Variants in MS4A15 observed in about 807,000 individuals in gnomAD.
The protein encoded by MS4A15 is membrane-spanning 4-domains subfamily A member 15.
In MS4A15, 22 loss-of-function variants were observed where a neutral mutation model predicts 20.6. The ratio of observed to expected loss-of-function variants is 1.07; its 90% CI spans 0.76 to 1.52. The LOEUF (loss-of-function observed/expected upper bound fraction) is 1.52, where lower values mean the gene tolerates loss of function less well. Among genes scored for constraint, MS4A15 ranks in the 40% most tolerant of loss-of-function variants. The probability of loss-of-function intolerance (pLI) is 0.00; values close to 1 mark genes in which losing one functional copy is unlikely to be tolerated. For synonymous variants in MS4A15, 129 were observed against 129.3 expected (o/e 1.00, Z 0.02); for missense variants, 312 against 323.0 (o/e 0.97, Z 0.26).
chr11:60,765,626 G>T (rs1040240727), intron 2 of MS4A15, among the ~76,000 whole-genome samples: 7 of 152,156 alleles, frequency 4.6e-5, no homozygotes, highest in African/African-American at 1.7e-4. Context: ...CTGATAAATG[G>T]CATCCTGTAA....
intron 3 of MS4A15, among the ~76,000 whole-genome samples, chr11:60,770,585 A>G (rs1854009626): frequency 6.6e-6 from 1 of 150,660 alleles, no homozygotes; most frequent in South Asian, 2.1e-4. Context: ...GTGACAGAGC[A>G]AGACTCCATC....
At chr11:60,770,245 C>T (rs912637471) in intron 3 of MS4A15, among the ~76,000 whole-genome samples, 2 of 152,198 alleles carry the variant, frequency 1.3e-5, no homozygotes, top group African/African-American at 4.8e-5. Context: ...CATCACAGCT[C>T]TTAGCACCAC....
rs1197231096 is a variant in MS4A15, at chr11:60,775,651, C to G, written c.659C>G (p.Pro220Arg). 1 of 1,614,022 alleles carries G rather than the reference C, an allele frequency of 6.2e-7. No individual in the cohort carries two copies. Among genetic ancestry groups the G allele is most frequent in the Non-Finnish European group, 8.5e-7 (1 of 1,179,930 alleles). Reference protein sequence around the residue: ...PNAFSADFNIPSPAASAPPAY... With the variant: ...PNAFSADFNIRSPAASAPPAY... ...GCCTTCAGCGCAGACTTCAACATCC[C>G]CAGCCCGGCAGCCTCTGCGCCCCCT... The change falls in exon 7 of 7, where the codon CCC (proline) becomes CGC (arginine). Residue 220 changes from proline (P) to arginine (R), a missense_variant. By Grantham distance (103) the Pro-to-Arg change is moderately radical (BLOSUM62 -2). Transcript: ENST00000405633.
At position 60,763,749 on chromosome 11, in the gene MS4A15, G is replaced by A. The variant is rs377151278; in HGVS notation, c.16G>A (p.Ala6Thr). MSAAP[A>T]SNGVFVVIPP... ...TCTGAGCACGATGTCTGCAGCTCCC[G>A]CCAGCAATGGAGTGTTTGTTGTCAT... is the stretch of plus-strand genomic sequence containing the variant. Residue 6 changes from alanine (A) to threonine (T), a missense_variant, in exon 2 of 7, where the codon GCC (alanine) becomes ACC (threonine). By Grantham distance (58) the Ala-to-Thr change is moderately conservative. Coordinates refer to ENST00000405633, the MANE Select transcript of MS4A15 (RefSeq NM_001098835.2). 1.1e-5 allele frequency: 17 copies of A among 1,611,950 alleles called. No individual in the cohort carries two copies. The highest frequency in any genetic ancestry group is 6.7e-5 in the African/African-American group (5 of 74,846).
intron 1 of MS4A15, among the ~76,000 whole-genome samples, chr11:60,759,131 A>C (rs951912480): frequency 2.0e-5 from 3 of 152,270 alleles, no homozygotes; most frequent in Non-Finnish European, 4.4e-5. Context: ...AAGAGAGATC[A>C]GACTGTTACT....
intron 6 of MS4A15, 49 bp from the exon 7 acceptor site, chr11:60,775,556 C>T: frequency 6.6e-7 from 1 of 1,507,274 alleles, no homozygotes; most frequent in African/African-American, 1.4e-5. Context: ...GAACCACTAC[C>T]CTGAAGCTCC....
chr11:60,775,271 C>T (rs1854159569), intron 6 of MS4A15, among the ~76,000 whole-genome samples: 1 of 150,704 alleles, frequency 6.6e-6, no homozygotes, highest in Non-Finnish European at 1.5e-5. Flanking sequence ...GAGCCGAGAT[C>T]ACGCCATTGC....
intron 2 of MS4A15, 148 bp downstream of exon 2, chr11:60,764,106 C>A: frequency 1.4e-6 from 1 of 719,664 alleles, no homozygotes; most frequent in South Asian, 1.9e-5. Flanking sequence ...TAGACAAGCA[C>A]CCTTCCCGCA....
intron 4 of MS4A15, chr11:60,771,683 A>T (rs1270385653): frequency 2.2e-6 from 3 of 1,364,170 alleles, no homozygotes; most frequent in Non-Finnish European, 2.9e-6. Context: ...CCACAGGGAA[A>T]GCTGGAGAAT....
Position 60,763,748 on chromosome 11 carries a change from C to T in MS4A15, c.15C>T (p.Pro5=), listed in dbSNP as rs372949576. 33 of 1,612,014 alleles carry T rather than the reference C, an allele frequency of 2.0e-5. No individual in the cohort carries two copies. Among genetic ancestry groups the T allele is most frequent in the Middle Eastern group, 2.2e-4 (1 of 4,500 alleles). The change falls in exon 2 of 7, where the codon CCC becomes CCT. Residue 5 remains proline, a synonymous_variant. Coordinates refer to ENST00000405633, the MANE Select transcript of MS4A15 (RefSeq NM_001098835.2). ...CTCTGAGCACGATGTCTGCAGCTCC[C>T]GCCAGCAATGGAGTGTTTGTTGTCA... MSAA[P]ASNGVFVVIP...
intron 3 of MS4A15, 82 bp downstream of exon 3, chr11:60,767,737 C>A: frequency 2.1e-6 from 3 of 1,416,612 alleles, no homozygotes; most frequent in African/African-American, 1.5e-5. Context: ...CCCCCACCAT[C>A]CTCCTGGGCA....
At chr11:60,758,597 T>C (rs527538882) in intron 1 of MS4A15, among the ~76,000 whole-genome samples, 2 of 152,240 alleles carry the variant, frequency 1.3e-5, no homozygotes, top group East Asian at 1.9e-4. Context: ...ACCAGGCATA[T>C]GGCAAAAATA....
chr11:60,769,364 AG>A (rs1353081116), intron 3 of MS4A15, among the ~76,000 whole-genome samples: 1 of 152,172 alleles, frequency 6.6e-6, no homozygotes, highest in African/African-American at 2.4e-5. Context: ...GGAGGCTCAA[AG>A]GAGACCTTAG....
At chr11:60,773,572 G>C (rs941734709) in intron 5 of MS4A15, 88 bp downstream of exon 5, 1 of 1,249,242 alleles carries the variant, frequency 8.0e-7, no homozygotes, top group Non-Finnish European at 1.2e-6. Flanking sequence ...AGTTTGCAGC[G>C]CCAGGACGTT....
chr11:60,772,031 G>C (rs1162184408), intron 4 of MS4A15, among the ~76,000 whole-genome samples: 2 of 152,248 alleles, frequency 1.3e-5, no homozygotes, highest in African/African-American at 4.8e-5. Context: ...TGGTTGCCAA[G>C]CATGAGAAGT....
In MS4A15 at chr11:60,776,482, G is replaced by A. The variant is rs763939313; in HGVS notation, c.*767G>A. On this transcript the variant is annotated 3_prime_UTR_variant, in exon 7 of 7. Coordinates refer to ENST00000405633, the MANE Select transcript of MS4A15 (RefSeq NM_001098835.2). ...AGAGCTGCCGCCAGCCCACTCCTGA[G>A]GCACCACCACAGTCAGCATCGACAG... 2.6e-5 allele frequency: 4 copies of A among 151,792 alleles called. No homozygotes were observed. Among genetic ancestry groups the A allele is most frequent in the African/African-American group, 7.3e-5 (3 of 41,118 alleles). 9.4% of individuals were successfully genotyped at this position (151,792 alleles called of 1,614,324 possible).
Position 60,773,957 on chromosome 11 carries a change from A to ACCC in MS4A15, c.612+10_612+12dup. On this transcript the variant is annotated splice_region_variant and intron_variant, in intron 6 of 6. Transcript: ENST00000405633. ...CCATGCCCAGGCCAGTGCAGTGAGT[A>ACCC]CCCCCACCCCCACCCCCACGTCCAC... 2 of 1,569,652 alleles carry ACCC rather than the reference A, an allele frequency of 1.3e-6. No homozygotes were observed. Among genetic ancestry groups the ACCC allele is most frequent in the Non-Finnish European group, 1.7e-6 (2 of 1,143,266 alleles).
rs534523345 is a variant in MS4A15 at position 60,766,566 on chromosome 11, G to C, written c.226-967G>C. On this transcript the variant is annotated intron_variant, in intron 2 of 6. Transcript: ENST00000405633. ...TCCACAGGGGAAAGATCTAAGGAAG[G>C]GGAGCAACGCTGGCGACTTGGACAC... Among the ~76,000 whole-genome samples the C allele has an allele frequency of 2.0e-5, 3 of 152,278 alleles. No individual in the cohort carries two copies. In the South Asian group the frequency reaches 6.2e-4, roughly 32 times the overall value.
chr11:60,759,091 T>G (rs1454173195), intron 1 of MS4A15, among the ~76,000 whole-genome samples: 1 of 152,240 alleles, frequency 6.6e-6, no homozygotes, highest in African/African-American at 2.4e-5. Context: ...GCGTAAGAGC[T>G]CCTCTGTGAC....
Sources: gnomAD v4.1 joint callset for allele counts (sites outside exome capture counted in the v4.1 genomes callset) on GRCh38, gnomAD v4.1.1 for gene constraint, MANE v1.5 for transcripts, NCBI Gene and HGNC (gene_info 2026-07-23, HGNC 2026-07-21) for gene names.